KCNAB2: variants seen among roughly 807,000 people sequenced by gnomAD.
The protein encoded by KCNAB2 is potassium voltage-gated channel subfamily A regulatory beta subunit 2, also known as voltage-gated potassium channel subunit beta-2.
KCNAB2 carries 29 observed loss-of-function variants against 63.6 expected under a neutral mutation model. That is an observed-to-expected ratio of 0.46 (90% CI 0.34 to 0.62). The LOEUF (loss-of-function observed/expected upper bound fraction) is 0.62, where lower values mean the gene tolerates loss of function less well. KCNAB2 is among the 20% of genes least tolerant of loss of function. KCNAB2 has a pLI of 0.01. For missense variants in KCNAB2, 359 were observed against 563.9 expected (o/e 0.64, Z 3.68); for synonymous variants, 222 against 224.2 (o/e 0.99, Z 0.09).
At chr1:6,001,533 G>T (rs189999234) in intron 1 of KCNAB2, among the ~76,000 whole-genome samples, 1 of 152,300 alleles carries the variant, frequency 6.6e-6, no homozygotes, top group African/African-American at 2.4e-5. Flanking sequence ...TGGGCTGTAT[G>T]GGTGCTGAGG....
intron 4 of KCNAB2, among the ~76,000 whole-genome samples, chr1:6,081,083 C>T (rs1483509218): frequency 6.6e-6 from 1 of 152,216 alleles, no homozygotes; most frequent in African/African-American, 2.4e-5. Context: ...GGGCTCCCCT[C>T]GCTCCATGAG....
chr1:6,028,348 G>A lies in KCNAB2; in HGVS notation c.-52-12169G>A, dbSNP rs891463315. Among the ~76,000 whole-genome samples the A allele has an allele frequency of 2.6e-5, 4 of 152,224 alleles. No homozygotes were observed. Among genetic ancestry groups the A allele is most frequent in the East Asian group, 1.9e-4 (1 of 5,196 alleles). ...CCATGGCTCCTCTAGGCTCTGGCAC[G>A]CAGAACAAGCAGACCATGGTTTTGT... is the stretch of plus-strand genomic sequence containing the variant. On this transcript the variant is annotated intron_variant, in intron 1 of 16. Transcript: ENST00000341524. The surrounding 1 kb of genome is among the most constrained non-coding windows in gnomAD (Gnocchi z 4.0).
upstream of KCNAB2, among the ~76,000 whole-genome samples, chr1:6,029,643 C>A (rs1454603479): frequency 1.3e-5 from 2 of 152,242 alleles, no homozygotes; most frequent in Non-Finnish European, 2.9e-5. Context: ...TACCTGTTAG[C>A]ACACTGAGTC....
At chr1:6,020,362 C>T (rs985971959) in intron 1 of KCNAB2, among the ~76,000 whole-genome samples, 1 of 152,148 alleles carries the variant, frequency 6.6e-6, no homozygotes, top group African/African-American at 2.4e-5. Context: ...TGCTGCAGTA[C>T]AGCCTCCCAC....
intron 2 of KCNAB2, among the ~76,000 whole-genome samples, chr1:6,040,839 C>T (rs1660442447): frequency 6.6e-6 from 1 of 152,374 alleles, no homozygotes; most frequent in East Asian, 1.9e-4. Context: ...GCTTTAAAAA[C>T]CCAAGTGGGA....
chr1:6,033,200 C>T (rs1052526354), upstream of KCNAB2, among the ~76,000 whole-genome samples: 53 of 150,850 alleles, frequency 3.5e-4, no homozygotes, highest in African/African-American at 1.1e-3. Context: ...TGTGCATGTG[C>T]GTGTGTGTGC....
Position 6,073,643 on chromosome 1 carries a change from CCT to C in KCNAB2, c.263-89_263-88del, listed in dbSNP as rs945180837. 1.5e-5 allele frequency: 19 copies of C among 1,229,888 alleles called. No homozygotes were observed. The highest frequency in any genetic ancestry group is 2.2e-5 in the Non-Finnish European group (18 of 830,764). 76.2% of individuals were successfully genotyped at this position (1,229,888 alleles called of 1,614,324 possible). A position where few individuals can be genotyped will look rare whatever the true frequency, so the allele number is the denominator to read the frequency against. On this transcript the variant is annotated intron_variant, in intron 3 of 15. Coordinates refer to ENST00000378083, the MANE Select transcript of KCNAB2 (RefSeq NM_001199862.2). The surrounding 1 kb of genome is among the most constrained non-coding windows in gnomAD (Gnocchi z 5.7). ...CACAGAGGGACACCTGTGGCTGCCC[CCT>C]GTGCCCTACAGCCTGAGGTCTGAGC...
intron 1 of KCNAB2, chr1:6,040,397 C>T (rs1660401295): frequency 9.4e-6 from 6 of 641,648 alleles, no homozygotes; most frequent in South Asian, 7.2e-5. Flanking sequence ...AGGGGCTCCC[C>T]GATGCCCTGA....
chr1:6,017,149 AG>A (rs1414060738), intron 1 of KCNAB2, among the ~76,000 whole-genome samples: 1 of 152,064 alleles, frequency 6.6e-6, no homozygotes, highest in African/African-American at 2.4e-5. Context: ...ATGGGCAAAT[AG>A]GGCTGGGGAC....
At chr1:6,094,586 C>A in intron 11 of KCNAB2, 101 bp downstream of exon 11, 3 of 914,538 alleles carry the variant, frequency 3.3e-6, no homozygotes, top group Non-Finnish European at 5.1e-6. Context: ...CCTTTGGTCC[C>A]AACTGCACCG....
chr1:6,011,523 G>T lies in KCNAB2; in HGVS notation c.-53+18735G>T, dbSNP rs1658149293. 2.6e-5 allele frequency among the ~76,000 whole-genome samples: 4 copies of T among 152,366 alleles called. No homozygotes were observed. The South Asian group carries it at 8.3e-4, about 32-fold the overall frequency. On this transcript the variant is annotated intron_variant, in intron 1 of 16. Coordinates refer to the KCNAB2 transcript ENST00000341524. ...CAGGCAGATGTGCAGGGGCAGAGGG[G>T]GTTGAAGGATGGAAAGGTAGACAGG...
In KCNAB2 at chr1:6,072,778, G is replaced by A. The variant is rs1295637312; in HGVS notation, c.242G>A (p.Arg81Gln). 3 of 1,613,768 alleles carry A rather than the reference G, an allele frequency of 1.9e-6. No homozygotes were observed. The highest frequency in any genetic ancestry group is 3.3e-5 in the Admixed American group (2 of 59,998). ...AGGAACCTGGGCAAGTCTGGCCTGC[G>A]GGTCTCCTGCCTGGGACTTGGTGAG... Reference protein sequence around the residue: ...KYRNLGKSGLRVSCLGLGTWV... With the variant: ...KYRNLGKSGLQVSCLGLGTWV... The change falls in exon 3 of 16, where the codon CGG becomes CAG. Residue 81 changes from arginine to glutamine, a missense_variant. Arg to Gln is a conservative substitution (Grantham distance 43). Transcript: ENST00000378083.
At chr1:6,014,810 C>A (rs1416613355) in intron 1 of KCNAB2, among the ~76,000 whole-genome samples, 3 of 152,158 alleles carry the variant, frequency 2.0e-5, no homozygotes, top group Admixed American at 6.5e-5. Context: ...GGCTCGCAGG[C>A]AGCATGGGAA....
At chr1:6,055,595 A>T (rs923592141) in intron 2 of KCNAB2, among the ~76,000 whole-genome samples, 9 of 152,134 alleles carry the variant, frequency 5.9e-5, no homozygotes, top group African/African-American at 9.7e-5. Context: ...ACCTCAGGTG[A>T]TCTGCCCACC....
intron 2 of KCNAB2, among the ~76,000 whole-genome samples, chr1:6,057,740 C>T (rs540702869): frequency 7.9e-5 from 12 of 152,260 alleles, no homozygotes; most frequent in South Asian, 2.1e-4. Context: ...CTGGTGGTGC[C>T]GGCAGGCCTG....
intron 9 of KCNAB2, among the ~76,000 whole-genome samples, chr1:6,090,713 C>G (rs770893827): frequency 6.6e-6 from 1 of 152,190 alleles, no homozygotes; most frequent in Non-Finnish European, 1.5e-5. Flanking sequence ...GAGTCCCTGT[C>G]CTGGCTTTGG....
chr1:6,077,450 C>A (rs1394743777), intron 4 of KCNAB2, among the ~76,000 whole-genome samples: 1 of 152,212 alleles, frequency 6.6e-6, no homozygotes, highest in East Asian at 1.9e-4. Flanking sequence ...CCAGGCGCCA[C>A]CCTGGATGTA....
chr1:6,035,555 G>A lies in KCNAB2; in HGVS notation c.-53+761G>A, dbSNP rs4908492. Among the ~76,000 whole-genome samples, 4,817 of 152,036 alleles carry A rather than the reference G, an allele frequency of 0.032. 105 individuals carry two copies. Among genetic ancestry groups the A allele is most frequent in the South Asian group, 0.1 (490 of 4,806 alleles). ...GGGACGTGGGAGGAAGGGAGGAGTC[G>A]GGGTGACTCCCGGGAGTGGGACTGA... On this transcript the variant is annotated intron_variant, in intron 1 of 15. Transcript: ENST00000164247. This position sits in a 1 kb window ranked among gnomAD's most constrained non-coding sequence, Gnocchi z 5.0.
At chr1:6,051,386 A>G in intron 1 of KCNAB2, 125 bp from the exon 2 acceptor site, 1 of 1,201,550 alleles carries the variant, frequency 8.3e-7, no homozygotes, top group Non-Finnish European at 1.1e-6. Flanking sequence ...CCTAGACACC[A>G]AGACCTGGTG....
Sources: allele counts gnomAD v4.1 joint callset (sites outside exome capture counted in the v4.1 genomes callset), GRCh38; gene constraint gnomAD v4.1.1; non-coding constraint Gnocchi (gnomAD v3.1); transcripts MANE v1.5; gene names NCBI Gene and HGNC (gene_info 2026-07-23, HGNC 2026-07-21).